Variants in NT5DC1 observed in about 807,000 individuals in gnomAD.
NT5DC1 encodes 5'-nucleotidase domain-containing protein 1.
A neutral mutation model predicts 59.4 loss-of-function variants in NT5DC1; 42 were observed. That is an observed-to-expected ratio of 0.71 (90% CI 0.55 to 0.92). The LOEUF is 0.92. Ranked by LOEUF, NT5DC1 falls within the 40% of genes least tolerant of loss-of-function variation. The pLI, the probability that NT5DC1 is intolerant of heterozygous loss-of-function variation, is 0.00. For synonymous variants in NT5DC1, 172 were observed against 188.1 expected (o/e 0.91, Z 0.70); for missense variants, 501 against 537.1 (o/e 0.93, Z 0.66).
rs905999200 is a variant in NT5DC1 at position 116,106,293 on chromosome 6, A to G, written c.143A>G (p.Asp48Gly). The G allele has an allele frequency of 6.3e-7, 1 of 1,588,686 alleles. No homozygotes were observed. Among genetic ancestry groups the G allele is most frequent in the African/African-American group, 1.3e-5 (1 of 74,192 alleles). The change falls in exon 2 of 12, where the codon GAT becomes GGT. Residue 48 changes from aspartate (D) to glycine (G), a missense_variant. By Grantham distance (94) the Asp-to-Gly change is moderately conservative. Transcript: ENST00000319550. The part of the protein sequence containing the change: ...AQFLVKEKGY[D>G]KELLNVTPED... ...TTCCTAGTTAAGGAGAAAGGGTACG[A>G]TAAGGAATTGCTCAATGTGACCCCA...
rs73564690 is a variant in NT5DC1 at position 116,131,270 on chromosome 6, A to G, written c.529+13325A>G. 2.0e-3 allele frequency among the ~76,000 whole-genome samples: 310 copies of G among 152,318 alleles called. 1 individual carries two copies. The highest frequency in any genetic ancestry group is 7.0e-3 in the African/African-American group (293 of 41,576). On this transcript the variant is annotated intron_variant, in intron 6 of 11. Transcript: ENST00000319550. ...ATTGTATATTTCTGAAGTCAAATTT[A>G]TAAAACAAGGAATATTCAGAGAAGG...
At chr6:116,167,449 T>C (rs1459907414) in intron 6 of NT5DC1, among the ~76,000 whole-genome samples, 2 of 152,142 alleles carry the variant, frequency 1.3e-5, no homozygotes, top group African/African-American at 4.8e-5. Context: ...CCTGGCCTTG[T>C]GATCCACTTG....
intron 6 of NT5DC1, among the ~76,000 whole-genome samples, chr6:116,142,662 T>TCGATGGCGGG (rs1434757796): frequency 6.6e-6 from 1 of 152,164 alleles, no homozygotes; most frequent in Non-Finnish European, 1.5e-5. Context: ...CTTAAAGCAG[T>TCGATGGCGGG]CGATGGCAGT....
In NT5DC1 at chr6:116,100,901, G is replaced by A. The variant is rs75742230; in HGVS notation, c.-30G>A. On this transcript the variant is annotated 5_prime_UTR_variant, in exon 1 of 12. Transcript: ENST00000319550. ...CCAGCTCCTTGCACCCTTCGCGGCC[G>A]AGGCGCTCCCTGGTGCTCCCCGCGC... is the stretch of plus-strand genomic sequence containing the variant. 1.3e-6 allele frequency: 2 copies of A among 1,566,042 alleles called. No homozygotes were observed. Among genetic ancestry groups the A allele is most frequent in the Non-Finnish European group, 1.7e-6 (2 of 1,152,996 alleles).
intron 6 of NT5DC1, among the ~76,000 whole-genome samples, chr6:116,190,029 G>C (rs551322993): frequency 2.6e-5 from 4 of 151,924 alleles, no homozygotes; most frequent in Non-Finnish European, 5.9e-5. Flanking sequence ...TTTAATGTGG[G>C]CAGATTATTT....
intron 6 of NT5DC1, among the ~76,000 whole-genome samples, chr6:116,118,492 G>C (rs1419518882): frequency 6.6e-6 from 1 of 152,146 alleles, no homozygotes; most frequent in Non-Finnish European, 1.5e-5. Context: ...TCAGTGACTT[G>C]AGCCACATTG....
rs1348579213 is a variant in NT5DC1, at chr6:116,223,045, C to T, written c.716C>T (p.Thr239Ile). 3 of 1,583,896 alleles carry T rather than the reference C, an allele frequency of 1.9e-6. No individual in the cohort carries two copies. Among genetic ancestry groups the T allele is most frequent in the Non-Finnish European group, 2.6e-6 (3 of 1,154,696 alleles). ...TGTGTTGCTTTTAGGAATGATTTTA[C>T]AGACCTTTTTGACATTGTGATTACA... ...LCEYILGNDF[T>I]DLFDIVITNA... The change falls in exon 8 of 12, where the codon ACA (threonine) becomes ATA (isoleucine). Residue 239 changes from threonine to isoleucine, a missense_variant. Physicochemically the swap from Thr to Ile is moderately conservative, Grantham distance 89. Coordinates refer to ENST00000319550, the MANE Select transcript of NT5DC1 (RefSeq NM_152729.3).
chr6:116,208,344 GA>G (rs1263567674), intron 6 of NT5DC1, among the ~76,000 whole-genome samples: 14 of 151,924 alleles, frequency 9.2e-5, no homozygotes, highest in African/African-American at 3.1e-4. Context: ...GACTTCTGTT[GA>G]AAACAAAACC....
rs569230976 is a variant in NT5DC1, at chr6:116,142,085, A to G, written c.529+24140A>G. ...GTACATGGTAACAAATGGAATTGAT[A>G]TTAGGATCCTATTCCTTTGATATTT... On this transcript the variant is annotated intron_variant, in intron 6 of 11. Transcript: ENST00000319550. Among the ~76,000 whole-genome samples, 12 of 152,208 alleles carry G rather than the reference A, an allele frequency of 7.9e-5. No homozygotes were observed. The East Asian group carries it at 2.1e-3, about 27-fold the overall frequency.
intron 6 of NT5DC1, among the ~76,000 whole-genome samples, chr6:116,216,587 A>G (rs544461181): frequency 6.6e-6 from 1 of 152,098 alleles, no homozygotes; most frequent in South Asian, 2.1e-4. Flanking sequence ...CTTTCCAAGT[A>G]TTATGTTTAG....
At chr6:116,163,141 A>AAAATATATATATATATAT (rs761718922) in intron 6 of NT5DC1, among the ~76,000 whole-genome samples, 8 of 88,400 alleles carry the variant, frequency 9.0e-5, no homozygotes, top group African/African-American at 4.0e-4. Flanking sequence ...AAAAAAAAAA[A>AAAATATATATATATATAT]ATATATATAT....
At chr6:116,223,239 G>GA (rs1384420471) in intron 8 of NT5DC1, 108 bp downstream of exon 8, 1 of 604,004 alleles carries the variant, frequency 1.7e-6, no homozygotes, top group African/African-American at 1.9e-5. Flanking sequence ...TCATGGGGAA[G>GA]AAAAAAGATA....
intron 6 of NT5DC1, among the ~76,000 whole-genome samples, chr6:116,145,794 A>G (rs959387515): frequency 3.3e-5 from 5 of 152,130 alleles, no homozygotes; most frequent in African/African-American, 9.7e-5. Flanking sequence ...TTAATTTACT[A>G]TTTTATTTTT....
chr6:116,121,376 C>A (rs906125772), intron 6 of NT5DC1: 1 of 1,614,108 alleles, frequency 6.2e-7, no homozygotes, highest in Non-Finnish European at 8.5e-7. Context: ...ACCTGGTGGG[C>A]CAATTGGTCC....
At chr6:116,167,163 C>T (rs979567749) in intron 6 of NT5DC1, among the ~76,000 whole-genome samples, 8 of 148,950 alleles carry the variant, frequency 5.4e-5, no homozygotes, top group Non-Finnish European at 7.4e-5. Flanking sequence ...AAGTGACATA[C>T]TTTGTACTTA....
In NT5DC1 at chr6:116,110,956, G is replaced by C; in HGVS notation, c.364G>C (p.Gly122Arg). The C allele has an allele frequency of 1.9e-6, 3 of 1,599,932 alleles. No homozygotes were observed. Among genetic ancestry groups the C allele is most frequent in the Non-Finnish European group, 2.6e-6 (3 of 1,167,220 alleles). ...GGACACTGGAATGGCTTGCCGCTCA[G>C]GTATGACTCAAATGAGGCAGCTCCA... ...LSDTGMACRS[G>R]KYYFYDNYFD... The change falls in exon 4 of 12, where the codon GGA (glycine) becomes CGA (arginine). Residue 122 changes from glycine to arginine, a missense_variant and splice_region_variant. Physicochemically the swap from Gly to Arg is moderately radical, Grantham distance 125 (BLOSUM62 -2). Transcript: ENST00000319550.
At chr6:116,125,525 A>G (rs1164498236) in intron 6 of NT5DC1, 2 of 1,610,052 alleles carry the variant, frequency 1.2e-6, no homozygotes, top group South Asian at 1.1e-5. Flanking sequence ...ACAGAAAAGA[A>G]TAACTTTATA....
At chr6:116,144,877 A>C (rs1340830344) in intron 6 of NT5DC1, among the ~76,000 whole-genome samples, 1 of 152,164 alleles carries the variant, frequency 6.6e-6, no homozygotes, top group Non-Finnish European at 1.5e-5. Context: ...TAGTTCAAAA[A>C]CAGACGTTTT....
chr6:116,143,913 A>C (rs1779827041), intron 6 of NT5DC1, among the ~76,000 whole-genome samples: 2 of 152,352 alleles, frequency 1.3e-5, no homozygotes, highest in South Asian at 4.1e-4. Flanking sequence ...AACAATTACC[A>C]AAATATTTGT....
Sources: gnomAD v4.1 joint callset for allele counts (sites outside exome capture counted in the v4.1 genomes callset) on GRCh38, gnomAD v4.1.1 for gene constraint, MANE v1.5 for transcripts, NCBI Gene and HGNC (gene_info 2026-07-23, HGNC 2026-07-21) for gene names.